Variants in TTC27 observed in about 807,000 individuals in gnomAD.
TTC27 encodes the protein tetratricopeptide repeat protein 27.
In TTC27, 79 loss-of-function variants were observed where a neutral mutation model predicts 115.9. The ratio of observed to expected loss-of-function variants is 0.68; its 90% confidence interval spans 0.57 to 0.82. The LOEUF (loss-of-function observed/expected upper bound fraction) is 0.82. Ranked by LOEUF, TTC27 falls within the 40% of genes least tolerant of loss-of-function variation. The pLI is 0.00. For synonymous variants in TTC27, 401 were observed against 356.0 expected (o/e 1.13, Z -1.42); for missense variants, 1,054 against 993.1 (o/e 1.06, Z -0.82).
Position 32,781,650 on chromosome 2 carries a change from T to C in TTC27, c.1780-976T>C, listed in dbSNP as rs1323039424. Among the ~76,000 whole-genome samples, 6 of 152,248 alleles carry C rather than the reference T, an allele frequency of 3.9e-5. No individual in the cohort carries two copies. In the South Asian group the frequency reaches 1.0e-3, roughly 26 times the overall value. ...CAATGGAGATGGAGCCTTGCTCTCT[T>C]GACCAGGCTAGTCTCAAACTCCTGG... On this transcript the variant is annotated intron_variant, in intron 14 of 19. Transcript: ENST00000317907.
At chr2:32,659,205 A>G (rs1026609399) in intron 5 of TTC27, among the ~76,000 whole-genome samples, 1 of 152,120 alleles carries the variant, frequency 6.6e-6, no homozygotes, top group Non-Finnish European at 1.5e-5. Flanking sequence ...GCTTCAAGCA[A>G]TCTTTCCACC....
At chr2:32,638,956 C>G (rs1158731063) in intron 3 of TTC27, among the ~76,000 whole-genome samples, 1 of 152,048 alleles carries the variant, frequency 6.6e-6, no homozygotes, top group East Asian at 1.9e-4. Flanking sequence ...CCTCAGCCTC[C>G]CAAGTAGCTG....
At chr2:32,677,841 C>T (rs1559201584) in intron 8 of TTC27, among the ~76,000 whole-genome samples, 1 of 152,226 alleles carries the variant, frequency 6.6e-6, no homozygotes, top group Non-Finnish European at 1.5e-5. Flanking sequence ...GCCTCCTTGA[C>T]AGCTGTTATA....
rs141601669 is a variant in TTC27, at chr2:32,731,650, G to T, written c.1234-2178G>T. Among the ~76,000 whole-genome samples the T allele has an allele frequency of 2.6e-5, 4 of 152,242 alleles. No homozygotes were observed. The East Asian group carries it at 7.7e-4, about 29-fold the overall frequency. On this transcript the variant is annotated intron_variant, in intron 10 of 19. Coordinates refer to ENST00000317907, the MANE Select transcript of TTC27 (RefSeq NM_017735.5). Reference sequence around the variant, plus strand: ...TACTTTGGCCTCCCAAAGTGCTTGGGGTGGCACCCAACCTAGAGTTCTGTT... The same window carrying T: ...TACTTTGGCCTCCCAAAGTGCTTGGTGTGGCACCCAACCTAGAGTTCTGTT...
chr2:32,666,597 T>C, intron 6 of TTC27, 38 bp from the exon 7 acceptor site: 1 of 1,608,088 alleles, frequency 6.2e-7, no homozygotes, highest in African/African-American at 1.3e-5. Flanking sequence ...GTAGATCTCA[T>C]GGGTAAGTCA....
intron 7 of TTC27, among the ~76,000 whole-genome samples, 157 bp downstream of exon 7, chr2:32,666,925 T>C (rs1315573837): frequency 4.0e-5 from 6 of 151,674 alleles, no homozygotes; most frequent in Admixed American, 3.9e-4. Context: ...AACTGGTGTT[T>C]AACTGGTGTT....
intron 6 of TTC27, among the ~76,000 whole-genome samples, chr2:32,665,397 G>C (rs1348339076): frequency 1.3e-5 from 2 of 152,138 alleles, no homozygotes; most frequent in East Asian, 3.8e-4. Flanking sequence ...AGTTTCAGAA[G>C]TTATGTTTTT....
chr2:32,755,069 C>T (rs1231550308), intron 12 of TTC27, among the ~76,000 whole-genome samples: 1 of 152,028 alleles, frequency 6.6e-6, no homozygotes, highest in Admixed American at 6.5e-5. Context: ...GACGGGGCGG[C>T]CGGGCAGAGA....
intron 16 of TTC27, among the ~76,000 whole-genome samples, chr2:32,808,800 C>T (rs1423499381): frequency 1.3e-5 from 2 of 152,212 alleles, no homozygotes; most frequent in Non-Finnish European, 2.9e-5. Context: ...AAGCATCACT[C>T]ATTAGTGTGT....
chr2:32,634,231 G>GT (rs1664326442), intron 3 of TTC27, among the ~76,000 whole-genome samples: 1 of 151,810 alleles, frequency 6.6e-6, no homozygotes, highest in African/African-American at 2.4e-5. Flanking sequence ...TGTTAGCTGT[G>GT]TTTTTTAATG....
intron 10 of TTC27, among the ~76,000 whole-genome samples, chr2:32,712,079 A>G (rs1236958028): frequency 1.3e-5 from 2 of 152,220 alleles, no homozygotes; most frequent in African/African-American, 4.8e-5. Flanking sequence ...CTGGCTAGTT[A>G]GTGACAGTCT....
chr2:32,800,208 G>T (rs1397421854), intron 16 of TTC27, among the ~76,000 whole-genome samples: 1 of 152,208 alleles, frequency 6.6e-6, no homozygotes, highest in African/African-American at 2.4e-5. Context: ...TGTTTTTTGA[G>T]ACGGAGTCTC....
intron 16 of TTC27, among the ~76,000 whole-genome samples, chr2:32,795,749 T>TTATTATTATTAA (rs1670681909): frequency 6.7e-6 from 1 of 148,188 alleles, no homozygotes; most frequent in Non-Finnish European, 1.5e-5. Flanking sequence ...ATTATTATTA[T>TTATTATTATTAA]TATTATTTTA....
chr2:32,753,871 C>T (rs1032166833), intron 12 of TTC27, among the ~76,000 whole-genome samples: 2 of 151,948 alleles, frequency 1.3e-5, no homozygotes, highest in African/African-American at 2.4e-5. Context: ...GTCAGGAGTT[C>T]GAGACCAGCC....
At chr2:32,746,876 C>T (rs777030558) in intron 12 of TTC27, among the ~76,000 whole-genome samples, 23 of 152,184 alleles carry the variant, frequency 1.5e-4, no homozygotes, top group Non-Finnish European at 2.9e-4. Flanking sequence ...AAAGGAAATA[C>T]TGCCAGCATT....
intron 9 of TTC27, among the ~76,000 whole-genome samples, chr2:32,683,543 T>C (rs1666518003): frequency 6.6e-6 from 1 of 152,220 alleles, no homozygotes; most frequent in Non-Finnish European, 1.5e-5. Flanking sequence ...TGGGAAAATG[T>C]TTTAATTTAG....
At chr2:32,712,548 T>TTTTTTTTTC (rs994363439) in intron 10 of TTC27, among the ~76,000 whole-genome samples, 1 of 151,432 alleles carries the variant, frequency 6.6e-6, no homozygotes, top group East Asian at 1.9e-4. Context: ...ATCTAAATTC[T>TTTTTTTTTC]TTTTTTTTCT....
chr2:32,750,167 T>C (rs1176777197), intron 12 of TTC27, among the ~76,000 whole-genome samples: 1 of 152,200 alleles, frequency 6.6e-6, no homozygotes, highest in Non-Finnish European at 1.5e-5. Context: ...GACATTGAAA[T>C]GGGACCATGA....
Position 32,628,379 on chromosome 2 carries a change from A to C in TTC27, c.87A>C (p.Ser29=). 1 of 1,592,360 alleles carries C rather than the reference A, an allele frequency of 6.3e-7. No individual in the cohort carries two copies. Among genetic ancestry groups the C allele is most frequent in the Non-Finnish European group, 8.5e-7 (1 of 1,171,492 alleles). Reference sequence around the variant, plus strand: ...GGAAACAGGAGGGGGTCGTCGGTTCAGGTGAGAGGCGCACCTACCGGGCCT... The same window carrying C: ...GGAAACAGGAGGGGGTCGTCGGTTCCGGTGAGAGGCGCACCTACCGGGCCT... ...QQWKQEGVVG[S]ESGSFLQLLL... is the part of the protein sequence containing the mutation. The change falls in exon 1 of 20, where the codon TCA becomes TCC. Residue 29 remains serine (S), a splice_region_variant and synonymous_variant. Transcript: ENST00000317907.
Sources: allele counts gnomAD v4.1 joint callset (sites outside exome capture counted in the v4.1 genomes callset), GRCh38; gene constraint gnomAD v4.1.1; transcripts MANE v1.5; gene names NCBI Gene and HGNC (gene_info 2026-07-23, HGNC 2026-07-21).